The following NUP62CL variants were observed in gnomAD, a reference collection of about 807,000 sequenced individuals.
NUP62CL encodes nucleoporin-62 C-terminal-like protein.
A neutral mutation model predicts 15.3 loss-of-function variants in NUP62CL; 13 were observed. The observed-to-expected ratio is 0.85, with a 90% CI of 0.55 to 1.35. The LOEUF (loss-of-function observed/expected upper bound fraction) is 1.35, where lower values mean the gene tolerates loss of function less well. Ranked by LOEUF, NUP62CL falls within the 40% of genes most tolerant of loss-of-function variation. NUP62CL has a pLI of 0.00. For missense variants in NUP62CL, 123 were observed against 130.6 expected (o/e 0.94, Z 0.28); for synonymous variants, 54 against 49.2 (o/e 1.10, Z -0.41).
intron 1 of NUP62CL, among the ~76,000 whole-genome samples, chrX:107,203,899 T>C (rs1250991785): frequency 9.0e-6 from 1 of 111,573 alleles, no homozygotes; most frequent in East Asian, 2.8e-4. Context: ...TAAAATACTC[T>C]ATATAAAAGA....
At chrX:107,171,731 G>C (rs866108696) in intron 3 of NUP62CL, among the ~76,000 whole-genome samples, 2 of 111,173 alleles carry the variant, frequency 1.8e-5, no homozygotes, top group Non-Finnish European at 1.9e-5. Context: ...ATATCATGGT[G>C]CTAAGGGATG....
At chrX:107,124,418 T>G in intron 8 of NUP62CL, 86 bp from the exon 9 acceptor site, 1 of 314,329 alleles carries the variant, frequency 3.2e-6, no homozygotes, top group Non-Finnish European at 6.2e-6. Context: ...AACACATGAT[T>G]AACAAAATTT....
In NUP62CL at chrX:107,175,792, T is replaced by A. The variant is rs781533635; in HGVS notation, c.-47-599A>T. Among the ~76,000 whole-genome samples, 6 of 111,270 alleles carry A rather than the reference T, an allele frequency of 5.4e-5. No homozygotes were observed. The East Asian group carries it at 1.7e-3, about 32-fold the overall frequency. ...CAGCTCCCAATCAAGGAATAGAGTA[T>A]CCCAATGGGAGGGAAAGGTAGCCAG... is the stretch of plus-strand genomic sequence containing the variant. On this transcript the variant is annotated intron_variant, in intron 2 of 8. Transcript: ENST00000372466.
At chrX:107,161,872 C>G (rs1926393077) in intron 4 of NUP62CL, among the ~76,000 whole-genome samples, 1 of 78,750 alleles carries the variant, frequency 1.3e-5, no homozygotes, top group African/African-American at 5.0e-5. Context: ...AGAAAACCCA[C>G]AACTTGAAAG....
chrX:107,130,008 G>T (rs1925475612), intron 8 of NUP62CL, among the ~76,000 whole-genome samples: 1 of 111,418 alleles, frequency 9.0e-6, no homozygotes, highest in African/African-American at 3.3e-5. Context: ...ATAAAAAGTT[G>T]AGTACATACC....
chrX:107,147,693 G>A (rs1345770087), intron 8 of NUP62CL, 50 bp downstream of exon 8: 5 of 775,397 alleles, frequency 6.4e-6, no homozygotes, highest in Non-Finnish European at 1.0e-5. Flanking sequence ...CATGTATCAC[G>A]TTTTCTACTT....
In NUP62CL at chrX:107,142,734, G is replaced by A. The variant is rs530708668; in HGVS notation, c.*42+5009C>T. Among the ~76,000 whole-genome samples, 3 of 111,727 alleles carry A rather than the reference G, an allele frequency of 2.7e-5. No individual in the cohort carries two copies. The South Asian group carries it at 1.1e-3, about 42-fold the overall frequency. Reference sequence around the variant, plus strand: ...GCACCATATACTTAAAACTAGTAACGAATTGGTTCAGATGCATTGCCAATT... The same window carrying A: ...GCACCATATACTTAAAACTAGTAACAAATTGGTTCAGATGCATTGCCAATT... On this transcript the variant is annotated intron_variant, in intron 8 of 8. Transcript: ENST00000372466.
chrX:107,176,838 C>T (rs1037242457), intron 2 of NUP62CL, among the ~76,000 whole-genome samples: 2 of 111,374 alleles, frequency 1.8e-5, no homozygotes, highest in Admixed American at 9.6e-5. Context: ...ATAAAGGGCA[C>T]TAATGAATAA....
chrX:107,186,664 G>A (rs1602662536), intron 2 of NUP62CL, among the ~76,000 whole-genome samples: 1 of 111,556 alleles, frequency 9.0e-6, no homozygotes, highest in African/African-American at 3.3e-5. Flanking sequence ...GTTGGGAGCT[G>A]AGGTGGGCAG....
chrX:107,187,839 G>A (rs776783493), intron 2 of NUP62CL, among the ~76,000 whole-genome samples: 1 of 112,372 alleles, frequency 8.9e-6, no homozygotes, highest in African/African-American at 3.2e-5. Context: ...AGAATACTAT[G>A]CCCATGAATT....
intron 8 of NUP62CL, among the ~76,000 whole-genome samples, chrX:107,129,566 C>A (rs1241444098): frequency 8.9e-6 from 1 of 112,336 alleles, no homozygotes; most frequent in Non-Finnish European, 1.9e-5. Context: ...TAGCCAGGAG[C>A]TGGAAGTTTC....
Position 107,153,446 on chromosome X carries a change from G to T in NUP62CL, c.395+8C>A. ...TAATCTTTCAACCAAGGAAATCTAA[G>T]GTTCTACCTTTTCTGATCCAGTTTC... is the stretch of plus-strand genomic sequence containing the variant. On this transcript the variant is annotated splice_region_variant and intron_variant, in intron 6 of 8. Transcript: ENST00000372466. 1 of 1,153,943 alleles carries T rather than the reference G, an allele frequency of 8.7e-7. No individual in the cohort carries two copies. Among genetic ancestry groups the T allele is most frequent in the Non-Finnish European group, 1.2e-6 (1 of 866,417 alleles).
intron 1 of NUP62CL, 117 bp downstream of exon 1, chrX:107,206,156 G>C (rs1438064410): frequency 1.8e-5 from 2 of 110,733 alleles, no homozygotes; most frequent in Non-Finnish European, 1.9e-5. Context: ...TTCTGCCCCC[G>C]TCTCTCCAGA....
In NUP62CL at chrX:107,124,143, T is replaced by C; in HGVS notation, c.*232A>G. The C allele has an allele frequency of 7.2e-6, 2 of 278,895 alleles. No homozygotes were observed. Among genetic ancestry groups the C allele is most frequent in the South Asian group, 7.3e-5 (2 of 27,248 alleles). 23.0% of individuals were successfully genotyped at this position (278,895 alleles called of 1,213,427 possible). A position where few individuals can be genotyped will look rare whatever the true frequency, so the allele number is the denominator to read the frequency against. The stretch of plus-strand genomic sequence containing the variant: ...GAAAAAAAGGATGCACAATTCATTA[T>C]GATCAAGATGAAATATTAAGTATAA... On this transcript the variant is annotated 3_prime_UTR_variant, in exon 9 of 9. Coordinates refer to ENST00000372466, the MANE Select transcript of NUP62CL (RefSeq NM_017681.3).
chrX:107,152,187 G>GATATATATATATTCAGATATAT (rs1569357227), intron 7 of NUP62CL, among the ~76,000 whole-genome samples: 5 of 77,438 alleles, frequency 6.5e-5, no homozygotes, highest in African/African-American at 2.6e-4. Context: ...TATATATTCA[G>GATATATATATATTCAGATATAT]ATATATATAT....
chrX:107,125,050 C>T (rs1470183501), intron 8 of NUP62CL, among the ~76,000 whole-genome samples: 1 of 111,500 alleles, frequency 9.0e-6, no homozygotes, highest in Non-Finnish European at 1.9e-5. Flanking sequence ...TTAAACTGCG[C>T]AAGTTCACTA....
intron 4 of NUP62CL, among the ~76,000 whole-genome samples, chrX:107,162,735 T>G (rs1337171730): frequency 1.8e-5 from 2 of 112,062 alleles, no homozygotes; most frequent in Non-Finnish European, 3.8e-5. Context: ...ACAGAAGACT[T>G]GGAACATCAT....
intron 1 of NUP62CL, among the ~76,000 whole-genome samples, chrX:107,199,768 T>C (rs1344860545): frequency 8.9e-6 from 1 of 111,870 alleles, no homozygotes; most frequent in Non-Finnish European, 1.9e-5. Context: ...ATATGATTGT[T>C]TAACACATCA....
Position 107,149,000 on chromosome X carries a change from T to A in NUP62CL, c.531-1191A>T, listed in dbSNP as rs1211121248. Among the ~76,000 whole-genome samples, 4 of 111,629 alleles carry A rather than the reference T, an allele frequency of 3.6e-5. No homozygotes were observed. The Admixed American group carries it at 3.8e-4, about 11-fold the overall frequency. On this transcript the variant is annotated intron_variant, in intron 7 of 8. Transcript: ENST00000372466. ...TATCTGCAAAAAGAGCTGTCAGTGA[T>A]CTCTTTCTTCTTTTATTCTGCAATC... is the stretch of plus-strand genomic sequence containing the variant.
Sources: gnomAD v4.1 joint callset for allele counts (sites outside exome capture counted in the v4.1 genomes callset) on GRCh38, gnomAD v4.1.1 for gene constraint, MANE v1.5 for transcripts, NCBI Gene and HGNC (gene_info 2026-07-23, HGNC 2026-07-21) for gene names.